STIMATE: variants seen among roughly 807,000 people sequenced by gnomAD.
The protein encoded by STIMATE is store-operated calcium entry regulator STIMATE.
Under a neutral mutation model 36.7 loss-of-function variants are expected in STIMATE, and 15 were observed. That is an observed-to-expected ratio of 0.41 (90% CI 0.27 to 0.63). The LOEUF is 0.63. STIMATE is among the 20% of genes least tolerant of loss of function. The pLI is 0.32. For synonymous variants in STIMATE, 163 were observed against 162.3 expected, an observed-to-expected ratio of 1.00 and a Z score of -0.03; for missense variants, 305 against 397.3, an observed-to-expected ratio of 0.77 and a Z score of 1.98.
At chr3:52,861,634 T>A (rs997494466) in intron 1 of STIMATE, among the ~76,000 whole-genome samples, 1 of 152,208 alleles carries the variant, frequency 6.6e-6, no homozygotes, top group African/African-American at 2.4e-5. Context: ...GTGATGAACA[T>A]GTGCTCAGGA....
chr3:52,896,376 T>G (rs1364246951), intron 1 of STIMATE, among the ~76,000 whole-genome samples: 1 of 152,092 alleles, frequency 6.6e-6, no homozygotes, highest in African/African-American at 2.4e-5. Context: ...TAAAACGCAG[T>G]CACAAGGGCA....
At position 52,847,349 on chromosome 3, in the gene STIMATE, A is replaced by G. The variant is rs117167188; in HGVS notation, c.428-2408T>C. On this transcript the variant is annotated intron_variant, in intron 4 of 7. Coordinates refer to ENST00000355083, the MANE Select transcript of STIMATE (RefSeq NM_198563.5). ...ACACATCTGTGGCGAGAGGCTTTCA[A>G]AAGGGAGAGTTTGGCCAGGGATGGG... is the stretch of plus-strand genomic sequence containing the variant. The G allele has an allele frequency of 0.013, 15,392 of 1,220,270 alleles. 1,714 individuals are homozygous for G. In the South Asian group the frequency reaches 0.2, roughly 16 times the overall value. 75.6% of individuals were successfully genotyped at this position (1,220,270 alleles called of 1,614,324 possible).
At chr3:52,849,959 C>G in intron 3 of STIMATE, 46 bp from the exon 4 acceptor site, 1 of 1,591,482 alleles carries the variant, frequency 6.3e-7, no homozygotes, top group African/African-American at 1.3e-5. Flanking sequence ...AGCCACGGGG[C>G]CAGAGGTCAT....
chr3:52,849,594 G>T lies in STIMATE; in HGVS notation c.427+198C>A, dbSNP rs557112531. On this transcript the variant is annotated intron_variant, in intron 4 of 7. Coordinates refer to ENST00000355083, the MANE Select transcript of STIMATE (RefSeq NM_198563.5). Reference sequence around the variant, plus strand: ...GCCACCTTCCCTGCCATAAGGTGAGGGCCTTGGTGGTAAAGCAGGCACCCA... The same window carrying T: ...GCCACCTTCCCTGCCATAAGGTGAGTGCCTTGGTGGTAAAGCAGGCACCCA... Among the ~76,000 whole-genome samples, 4 of 151,190 alleles carry T rather than the reference G, an allele frequency of 2.6e-5. No individual in the cohort carries two copies. The East Asian group carries it at 7.9e-4, about 30-fold the overall frequency.
intron 1 of STIMATE, among the ~76,000 whole-genome samples, chr3:52,878,908 A>G (rs561118570): frequency 1.2e-4 from 19 of 152,306 alleles, no homozygotes; most frequent in African/African-American, 4.6e-4. Context: ...CAGTCTACTG[A>G]GAGGCTCCAA....
chr3:52,888,222 C>T (rs1038936350), intron 1 of STIMATE, among the ~76,000 whole-genome samples: 1 of 152,046 alleles, frequency 6.6e-6, no homozygotes, highest in Admixed American at 6.5e-5. Flanking sequence ...AATGGAAGAG[C>T]AGACTTGTAA....
intron 1 of STIMATE, among the ~76,000 whole-genome samples, chr3:52,895,715 A>G (rs1407727892): frequency 1.3e-5 from 2 of 152,234 alleles, no homozygotes; most frequent in Admixed American, 1.3e-4. Flanking sequence ...CTAGGGGACA[A>G]GCCGGGCCAT....
intron 6 of STIMATE, 97 bp from the exon 7 acceptor site, chr3:52,843,057 G>A: frequency 6.4e-7 from 1 of 1,552,868 alleles, no homozygotes; most frequent in East Asian, 2.3e-5. Context: ...CAGGTTATAA[G>A]ATCCAGAGCT....
chr3:52,881,132 A>G (rs1238577911), intron 1 of STIMATE, among the ~76,000 whole-genome samples: 4 of 151,544 alleles, frequency 2.6e-5, no homozygotes, highest in Non-Finnish European at 5.9e-5. Flanking sequence ...GATTGCAGTG[A>G]GCCAAAGGTT....
chr3:52,843,217 A>G, intron 6 of STIMATE: 1 of 601,060 alleles, frequency 1.7e-6, no homozygotes, highest in Non-Finnish European at 2.7e-6. Context: ...TAGGGGGAAC[A>G]GCCTGTTTGG....
chr3:52,866,614 C>T (rs912949641), intron 1 of STIMATE, among the ~76,000 whole-genome samples: 1 of 152,226 alleles, frequency 6.6e-6, no homozygotes, highest in Non-Finnish European at 1.5e-5. Context: ...TCACCGACTG[C>T]TCACTTAACG....
intron 3 of STIMATE, 148 bp from the exon 4 acceptor site, chr3:52,850,061 C>T: frequency 7.3e-7 from 1 of 1,374,822 alleles, no homozygotes; most frequent in Non-Finnish European, 9.5e-7. Flanking sequence ...GCCAGTGTAG[C>T]TGTCACTACC....
chr3:52,873,101 A>C (rs1376142860), intron 1 of STIMATE, among the ~76,000 whole-genome samples: 2 of 152,252 alleles, frequency 1.3e-5, no homozygotes, highest in Non-Finnish European at 2.9e-5. Flanking sequence ...TAACAAAAAC[A>C]AAAAGCAACA....
At chr3:52,896,615 CT>C (rs1243884053) in intron 1 of STIMATE, among the ~76,000 whole-genome samples, 1 of 152,052 alleles carries the variant, frequency 6.6e-6, no homozygotes, top group Non-Finnish European at 1.5e-5. Context: ...ATAGATGCGG[CT>C]TATTAGGAAA....
chr3:52,849,420 T>C (rs898893902), intron 4 of STIMATE, among the ~76,000 whole-genome samples: 6 of 152,222 alleles, frequency 3.9e-5, no homozygotes, highest in Admixed American at 3.9e-4. Flanking sequence ...GCCCCATCTC[T>C]TTAACCTGGT....
At chr3:52,861,118 C>A (rs1701209436) in intron 1 of STIMATE, among the ~76,000 whole-genome samples, 1 of 152,224 alleles carries the variant, frequency 6.6e-6, no homozygotes, top group Non-Finnish European at 1.5e-5. Context: ...AACACATCCT[C>A]ATCCCCACAC....
chr3:52,891,213 G>A (rs953799345), intron 1 of STIMATE, among the ~76,000 whole-genome samples: 3 of 152,174 alleles, frequency 2.0e-5, no homozygotes, highest in Admixed American at 6.5e-5. Flanking sequence ...GGAAAAAGCC[G>A]GCAGGCACAG....
intron 1 of STIMATE, among the ~76,000 whole-genome samples, chr3:52,859,527 A>AT (rs1292617782): frequency 3.6e-5 from 4 of 110,190 alleles, no homozygotes; most frequent in African/African-American, 1.3e-4. Context: ...AAAAAAAAAA[A>AT]AAAATTTTTT....
At chr3:52,878,051 G>A (rs1002978188) in intron 1 of STIMATE, among the ~76,000 whole-genome samples, 1 of 149,046 alleles carries the variant, frequency 6.7e-6, no homozygotes, top group African/African-American at 2.5e-5. Flanking sequence ...CTGAGATCGC[G>A]CCACTGCACT....
Sources: allele counts gnomAD v4.1 joint callset (sites outside exome capture counted in the v4.1 genomes callset), GRCh38; gene constraint gnomAD v4.1.1; transcripts MANE v1.5; gene names NCBI Gene and HGNC (gene_info 2026-07-23, HGNC 2026-07-21).